CDHR3: variants seen among roughly 807,000 people sequenced by gnomAD.
The protein encoded by CDHR3 is cadherin related family member 3, also known as cadherin-related family member 3.
A neutral mutation model predicts 86.6 loss-of-function variants in CDHR3; 79 were observed. The observed-to-expected ratio is 0.91, with a 90% CI of 0.76 to 1.10. The LOEUF (loss-of-function observed/expected upper bound fraction) is 1.10. Among genes scored for constraint, CDHR3 ranks in the 50% least tolerant of loss-of-function variants. The pLI is 0.00. For synonymous variants in CDHR3, 421 were observed against 402.4 expected (o/e 1.05, Z -0.55); for missense variants, 1,081 against 1,077.6 (o/e 1.00, Z -0.04).
At chr7:106,017,179 G>A (rs1835761589) in intron 11 of CDHR3, among the ~76,000 whole-genome samples, 1 of 152,160 alleles carries the variant, frequency 6.6e-6, no homozygotes, top group African/African-American at 2.4e-5. Context: ...CAATACTGCT[G>A]CAAAGAGATG....
At chr7:105,965,405 C>T (rs542507589) in intron 1 of CDHR3, among the ~76,000 whole-genome samples, 1 of 152,258 alleles carries the variant, frequency 6.6e-6, no homozygotes, top group Non-Finnish European at 1.5e-5. Context: ...ACCCAGGAGG[C>T]GGAGGTTGCA....
intron 1 of CDHR3, among the ~76,000 whole-genome samples, chr7:105,967,562 G>C (rs1380554011): frequency 6.6e-6 from 1 of 152,200 alleles, no homozygotes; most frequent in East Asian, 1.9e-4. Context: ...CTAGTTTACA[G>C]TCCCACCAAC....
intron 4 of CDHR3, among the ~76,000 whole-genome samples, chr7:105,988,185 A>G (rs1189483326): frequency 1.3e-5 from 2 of 152,218 alleles, no homozygotes; most frequent in African/African-American, 2.4e-5. Context: ...CACCACACCC[A>G]GTGGAAACAC....
chr7:105,977,046 G>T (rs1327061304), intron 2 of CDHR3, among the ~76,000 whole-genome samples: 1 of 149,654 alleles, frequency 6.7e-6, no homozygotes, highest in Admixed American at 6.7e-5. Context: ...TGCATTCCTG[G>T]GCTCAAGTGA....
chr7:105,976,855 A>T (rs1313775495), intron 2 of CDHR3, among the ~76,000 whole-genome samples: 1 of 152,148 alleles, frequency 6.6e-6, no homozygotes, highest in Non-Finnish European at 1.5e-5. Context: ...ATTGACAGAC[A>T]TTTGGGTTGT....
chr7:106,017,869 C>A lies in CDHR3; in HGVS notation c.1450C>A (p.Arg484=), dbSNP rs368274712. 1.3e-6 allele frequency: 2 copies of A among 1,588,190 alleles called. No homozygotes were observed. Among genetic ancestry groups the A allele is most frequent in the South Asian group, 2.3e-5 (2 of 87,192 alleles). Residue 484 remains arginine (R), a synonymous_variant, in exon 12 of 19, where the codon CGA becomes AGA. Transcript: ENST00000317716. The part of the protein sequence containing the change: ...RPARTRVGQV[R]ATDKDLPQSS... ...AGCCAGAACCCGAGTGGGACAGGTGCGAGCCACTGATAAAGACCTCCCCCA... is the reference window on the plus strand; with the variant it reads ...AGCCAGAACCCGAGTGGGACAGGTGAGAGCCACTGATAAAGACCTCCCCCA...
intron 17 of CDHR3, among the ~76,000 whole-genome samples, chr7:106,028,918 T>TCTTTCTTTCTTTC (rs1563311709): frequency 9.6e-4 from 56 of 58,558 alleles, no homozygotes; most frequent in African/African-American, 3.4e-3. Flanking sequence ...GATTTAAATT[T>TCTTTCTTTCTTTC]TCTTTCTTTC....
chr7:105,975,617 A>C (rs998528046), intron 2 of CDHR3, among the ~76,000 whole-genome samples: 2 of 152,150 alleles, frequency 1.3e-5, no homozygotes, highest in African/African-American at 4.8e-5. Flanking sequence ...TCTGTTTTCT[A>C]GTTTGTCATT....
intron 4 of CDHR3, among the ~76,000 whole-genome samples, chr7:105,987,048 C>T (rs1031348153): frequency 7.9e-5 from 12 of 152,230 alleles, no homozygotes; most frequent in African/African-American, 2.6e-4. Context: ...GTTTTTAAAT[C>T]TCCACTTTAA....
chr7:105,994,947 C>G (rs567351433), intron 5 of CDHR3, 102 bp downstream of exon 5: 1 of 891,098 alleles, frequency 1.1e-6, no homozygotes, highest in African/African-American at 1.7e-5. Context: ...TGGGGGGAGC[C>G]CCTTGAGCAG....
rs777658116 is a variant in CDHR3 at position 106,032,602 on chromosome 7, G to C, written c.2563G>C (p.Gly855Arg). The part of the protein sequence containing the change: ...GKAWAEDAGL[G>R]SRNEGGKLGN... The stretch of plus-strand genomic sequence containing the variant: ...AGCGTGGGCTGAGGATGCTGGTCTG[G>C]GTTCCAGAAATGAGGGTGGCAAGCT... The change falls in exon 19 of 19, where the codon GGT (glycine) becomes CGT (arginine). Residue 855 changes from glycine (G) to arginine (R), a missense_variant. Gly to Arg is a moderately radical substitution (Grantham distance 125). Coordinates refer to ENST00000317716, the MANE Select transcript of CDHR3 (RefSeq NM_152750.5). The C allele has an allele frequency of 4.3e-6, 7 of 1,613,814 alleles. No individual in the cohort carries two copies. Among genetic ancestry groups the C allele is most frequent in the Non-Finnish European group, 5.9e-6 (7 of 1,179,890 alleles).
chr7:106,020,494 G>A lies in CDHR3; in HGVS notation c.1775G>A (p.Cys592Tyr), dbSNP rs1347456559. ...GTNIQNFKLT[C>Y]TDLDSSPRSF... ...AATATTCAGAATTTCAAGCTGACAT[G>A]TACCGACCTTGATTCCAGCCCCAGA... is the stretch of plus-strand genomic sequence containing the variant. The change falls in exon 13 of 19, where the codon TGT (cysteine) becomes TAT (tyrosine). Residue 592 changes from cysteine (C) to tyrosine (Y), a missense_variant. Transcript: ENST00000317716. The A allele has an allele frequency of 8.1e-6, 13 of 1,614,006 alleles. No individual in the cohort carries two copies. Among genetic ancestry groups the A allele is most frequent in the Non-Finnish European group, 9.3e-6 (11 of 1,179,894 alleles).
chr7:105,996,331 C>T lies in CDHR3; in HGVS notation c.690C>T (p.Asn230=), dbSNP rs368294260. ...TCCAGGTGAACATCGTGAACCTCAA[C>T]GACGAAGTCCCTCGCTTTACCAGGT... ...TELQVNIVNL[N]DEVPRFTSPT... is the part of the protein sequence containing the mutation. Residue 230 remains asparagine (N), a synonymous_variant, in exon 6 of 19, where the codon AAC becomes AAT. Transcript: ENST00000317716. 2.5e-5 allele frequency: 40 copies of T among 1,594,338 alleles called. No homozygotes were observed. Among genetic ancestry groups the T allele is most frequent in the East Asian group, 2.5e-4 (11 of 44,274 alleles).
chr7:105,984,062 T>G, intron 3 of CDHR3, 130 bp from the exon 4 acceptor site: 1 of 490,964 alleles, frequency 2.0e-6, no homozygotes, highest in South Asian at 3.9e-5. Context: ...ATGGATTTTT[T>G]TATTGCATTC....
chr7:105,978,382 G>A (rs1400164295), intron 2 of CDHR3, among the ~76,000 whole-genome samples: 2 of 152,174 alleles, frequency 1.3e-5, no homozygotes, highest in African/African-American at 4.8e-5. Flanking sequence ...CTCTGAGCTT[G>A]ACTCCCCTCT....
chr7:105,973,777 GCCAACATGGTGAAA>G (rs1158552821), intron 1 of CDHR3, among the ~76,000 whole-genome samples: 5 of 152,070 alleles, frequency 3.3e-5, no homozygotes, highest in Non-Finnish European at 5.9e-5. Flanking sequence ...GACCAACCTG[GCCAACATGGTGAAA>G]CCTCGTCTCT....
At chr7:105,997,829 G>A (rs1390585079) in intron 6 of CDHR3, among the ~76,000 whole-genome samples, 2 of 152,138 alleles carry the variant, frequency 1.3e-5, no homozygotes, top group Admixed American at 6.5e-5. Flanking sequence ...GACCCTCGCT[G>A]GCGTGGGATG....
intron 14 of CDHR3, among the ~76,000 whole-genome samples, chr7:106,023,302 G>A (rs180695692): frequency 2.6e-5 from 4 of 152,318 alleles, no homozygotes; most frequent in Admixed American, 2.6e-4. Context: ...GAATTCTAAT[G>A]TGCATTAAAG....
At chr7:106,021,235 G>A (rs1209762868) in intron 13 of CDHR3, among the ~76,000 whole-genome samples, 1 of 152,106 alleles carries the variant, frequency 6.6e-6, no homozygotes, top group Non-Finnish European at 1.5e-5. Flanking sequence ...TGGGGCCAGA[G>A]ATTTAAACCC....
Sources: gnomAD v4.1 joint callset for allele counts (sites outside exome capture counted in the v4.1 genomes callset) on GRCh38, gnomAD v4.1.1 for gene constraint, MANE v1.5 for transcripts, NCBI Gene and HGNC (gene_info 2026-07-23, HGNC 2026-07-21) for gene names.